SCMH1: variants seen among roughly 807,000 people sequenced by gnomAD.
The protein encoded by SCMH1 is polycomb protein SCMH1.
In SCMH1, 37 loss-of-function variants were observed where a neutral mutation model predicts 70.8. The observed-to-expected ratio is 0.52, with a 90% confidence interval of 0.40 to 0.69. The LOEUF (loss-of-function observed/expected upper bound fraction) is 0.69, where lower values mean the gene tolerates loss of function less well. Ranked by LOEUF, SCMH1 falls within the 30% of genes least tolerant of loss-of-function variation. The pLI is 0.00. For synonymous variants in SCMH1, 292 were observed against 307.4 expected, an observed-to-expected ratio of 0.95 and a Z score of 0.52; for missense variants, 607 against 827.3, an observed-to-expected ratio of 0.73 and a Z score of 3.27.
intron 2 of SCMH1, among the ~76,000 whole-genome samples, chr1:41,182,310 T>C (rs1313146215): frequency 6.6e-6 from 1 of 152,188 alleles, no homozygotes; most frequent in East Asian, 1.9e-4. Flanking sequence ...GTAACTAACC[T>C]GCACGTTGTG....
intron 1 of SCMH1, among the ~76,000 whole-genome samples, chr1:41,201,852 A>G (rs1654428302): frequency 6.6e-6 from 1 of 152,200 alleles, no homozygotes; most frequent in African/African-American, 2.4e-5. Flanking sequence ...CAATCTAAAC[A>G]GCTCAGGCAG....
chr1:41,096,299 T>C lies in SCMH1; in HGVS notation c.745+16984A>G, dbSNP rs115602028. Among the ~76,000 whole-genome samples, 554 of 152,310 alleles carry C rather than the reference T, an allele frequency of 3.6e-3. 2 individuals carry two copies. The highest frequency in any genetic ancestry group is 0.01 in the Middle Eastern group (3 of 294). ...GAAACTAAACATTATAGAGGAAAAATACTTGCTTAAGATCTCCCAGGAAAT... is the reference window on the plus strand; with the variant it reads ...GAAACTAAACATTATAGAGGAAAAACACTTGCTTAAGATCTCCCAGGAAAT... On this transcript the variant is annotated intron_variant, in intron 8 of 14. Transcript: ENST00000337495.
chr1:41,161,599 C>A, intron 2 of SCMH1, 167 bp from the exon 3 acceptor site: 1 of 708,276 alleles, frequency 1.4e-6, no homozygotes, highest in Non-Finnish European at 2.1e-6. Context: ...TGTAAAAAGC[C>A]TTGGCATTGT....
intron 8 of SCMH1, among the ~76,000 whole-genome samples, chr1:41,093,546 G>A (rs1440358783): frequency 2.6e-5 from 4 of 152,088 alleles, no homozygotes; most frequent in Non-Finnish European, 5.9e-5. Context: ...TAATCAAAAT[G>A]TGAAAGTTGA....
intron 2 of SCMH1, among the ~76,000 whole-genome samples, chr1:41,179,066 T>A (rs1019435535): frequency 6.6e-6 from 1 of 152,198 alleles, no homozygotes; most frequent in African/African-American, 2.4e-5. Context: ...AAACAAGAAC[T>A]CAGGATTAAG....
intron 5 of SCMH1, among the ~76,000 whole-genome samples, chr1:41,145,199 G>A (rs1456044710): frequency 6.6e-6 from 1 of 152,058 alleles, no homozygotes; most frequent in Non-Finnish European, 1.5e-5. Flanking sequence ...GAGTTTTGCA[G>A]TTTTAACTCT....
rs953792126 is a variant in SCMH1, at chr1:41,224,100, CCT to C, written c.-118+17957_-118+17958del. On this transcript the variant is annotated intron_variant, in intron 1 of 14. Coordinates refer to ENST00000337495, the Ensembl canonical transcript of SCMH1. ...CTGACTCCTTCCATCTGGATCGCCC[CCT>C]CTTTCACCTCCTCAGTCTACCTAAA... Among the ~76,000 whole-genome samples the C allele has an allele frequency of 5.3e-5, 8 of 152,226 alleles. No homozygotes were observed. The East Asian group carries it at 7.7e-4, about 15-fold the overall frequency.
At chr1:41,111,371 G>A (rs1040573776) in intron 8 of SCMH1, among the ~76,000 whole-genome samples, 3 of 152,126 alleles carry the variant, frequency 2.0e-5, no homozygotes, top group Non-Finnish European at 2.9e-5. Context: ...ACAGAGTCTC[G>A]CTCTGTCGCC....
chr1:41,124,558 C>G (rs185094767), intron 6 of SCMH1, among the ~76,000 whole-genome samples: 1 of 152,074 alleles, frequency 6.6e-6, no homozygotes, highest in Admixed American at 6.5e-5. Flanking sequence ...TTCTTCTGAT[C>G]GTTTCCTCAT....
intron 8 of SCMH1, among the ~76,000 whole-genome samples, chr1:41,107,030 T>TA (rs945841821): frequency 6.6e-6 from 1 of 151,588 alleles, no homozygotes; most frequent in African/African-American, 2.4e-5. Context: ...TTTTTTTTTT[T>TA]AACTTCTGGC....
chr1:41,069,659 C>T (rs922535074), intron 10 of SCMH1, among the ~76,000 whole-genome samples: 1 of 152,144 alleles, frequency 6.6e-6, no homozygotes, highest in South Asian at 2.1e-4. Context: ...TTGGACTAAT[C>T]CTATCATTGT....
chr1:41,165,099 A>G (rs1646326608), intron 2 of SCMH1, among the ~76,000 whole-genome samples: 2 of 151,944 alleles, frequency 1.3e-5, no homozygotes, highest in South Asian at 4.1e-4. Context: ...CTACTTCTCT[A>G]TAAGTTAGAC....
intron 6 of SCMH1, among the ~76,000 whole-genome samples, chr1:41,122,095 G>C (rs1672090252): frequency 1.3e-5 from 2 of 152,076 alleles, no homozygotes. Context: ...AGAATAATAT[G>C]GTTATGTTTT....
chr1:41,103,334 G>A (rs1667089224), intron 8 of SCMH1, among the ~76,000 whole-genome samples: 1 of 152,000 alleles, frequency 6.6e-6, no homozygotes, highest in African/African-American at 2.4e-5. Context: ...TAGAGATGGA[G>A]TTTCACCATG....
intron 2 of SCMH1, among the ~76,000 whole-genome samples, chr1:41,180,020 T>C (rs1250785424): frequency 3.9e-5 from 6 of 152,152 alleles, no homozygotes; most frequent in Non-Finnish European, 7.3e-5. Flanking sequence ...TCCACCATGA[T>C]CAAGTGGGCT....
intron 1 of SCMH1, among the ~76,000 whole-genome samples, chr1:41,229,053 A>G (rs1389042070): frequency 6.6e-6 from 1 of 152,094 alleles, no homozygotes. Context: ...AAAACTAGCC[A>G]GGCATGATGG....
intron 1 of SCMH1, among the ~76,000 whole-genome samples, chr1:41,235,915 T>C (rs1662285580): frequency 2.0e-5 from 3 of 152,228 alleles, no homozygotes; most frequent in African/African-American, 7.2e-5. Flanking sequence ...CATGTTACTA[T>C]ATAGATCTAG....
Position 41,177,997 on chromosome 1 carries a change from G to A in SCMH1, c.13+8124C>T. Among the ~76,000 whole-genome samples, 3 of 152,142 alleles carry A rather than the reference G, an allele frequency of 2.0e-5. 1 individual carries two copies. The highest frequency in any genetic ancestry group is 4.4e-5 in the Non-Finnish European group (3 of 68,024). On this transcript the variant is annotated intron_variant, in intron 2 of 14. Coordinates refer to ENST00000337495, the Ensembl canonical transcript of SCMH1. ...TAATGGCAGCCAGAGAGAAAGGTTG[G>A]GTTACCCACAAAGGGAAGCCCATCA...
chr1:41,141,693 C>G (rs1486398532), intron 6 of SCMH1, among the ~76,000 whole-genome samples: 1 of 151,928 alleles, frequency 6.6e-6, no homozygotes, highest in Non-Finnish European at 1.5e-5. Context: ...GGTTTTTAAA[C>G]AAATAAACTG....
Sources: gnomAD v4.1 joint callset for allele counts (sites outside exome capture counted in the v4.1 genomes callset) on GRCh38, gnomAD v4.1.1 for gene constraint, MANE v1.5 for transcripts, NCBI Gene and HGNC (gene_info 2026-07-23, HGNC 2026-07-21) for gene names.